The following TDP1 variants were observed in gnomAD, a reference collection of about 807,000 sequenced individuals.
The protein encoded by TDP1 is tyr-DNA phosphodiesterase 1.
A neutral mutation model predicts 81.5 loss-of-function variants in TDP1; 64 were observed. That is an observed-to-expected ratio of 0.79 (90% CI 0.64 to 0.97). The LOEUF (loss-of-function observed/expected upper bound fraction) is 0.97, where lower values mean the gene tolerates loss of function less well. Among genes scored for constraint, TDP1 ranks in the 50% least tolerant of loss-of-function variants. TDP1 has a pLI of 0.00. For missense variants in TDP1, 723 were observed against 743.8 expected (o/e 0.97, Z 0.33); for synonymous variants, 256 against 264.3 (o/e 0.97, Z 0.30).
rs578149592 is a variant in TDP1 at position 90,014,606 on chromosome 14, G to A, written c.1542-4710G>A. Among the ~76,000 whole-genome samples, 7 of 152,334 alleles carry A rather than the reference G, an allele frequency of 4.6e-5. No individual in the cohort carries two copies. The South Asian group carries it at 1.4e-3, about 32-fold the overall frequency. ...TAGAAGTGCAGTGGCCAAAGCCTCA[G>A]TCTGTACATTGTCTCATTGTCTCTG... On this transcript the variant is annotated intron_variant, in intron 14 of 16. Coordinates refer to ENST00000335725, the MANE Select transcript of TDP1 (RefSeq NM_018319.4).
intron 8 of TDP1, chr14:89,983,067 T>G (rs1202405423): frequency 2.2e-6 from 1 of 454,552 alleles, no homozygotes; most frequent in Non-Finnish European, 4.4e-6. Flanking sequence ...ATGCCTCATA[T>G]CTCAGCATCT....
In TDP1 at chr14:89,966,555, C is replaced by G. The variant is rs189418166; in HGVS notation, c.603+365C>G. Among the ~76,000 whole-genome samples, 39 of 152,244 alleles carry G rather than the reference C, an allele frequency of 2.6e-4. 1 individual carries two copies. The highest frequency in any genetic ancestry group is 1.1e-3 in the Admixed American group (17 of 15,298). Reference sequence around the variant, plus strand: ...TGAGGTATGGATAGAGTGGTGAAGGCCAAGTCAAGTTTGATTTAATTTAGA... The same window carrying G: ...TGAGGTATGGATAGAGTGGTGAAGGGCAAGTCAAGTTTGATTTAATTTAGA... On this transcript the variant is annotated intron_variant, in intron 4 of 16. Coordinates refer to ENST00000335725, the MANE Select transcript of TDP1 (RefSeq NM_018319.4).
chr14:89,984,548 C>T lies in TDP1; in HGVS notation c.917C>T (p.Ala306Val). The T allele has an allele frequency of 1.2e-6, 2 of 1,614,084 alleles. No individual in the cohort carries two copies. Among genetic ancestry groups the T allele is most frequent in the Non-Finnish European group, 1.7e-6 (2 of 1,180,016 alleles). Reference protein sequence around the residue: ...IWLSPLYPRIADGTHKSGESP... With the variant: ...IWLSPLYPRIVDGTHKSGESP... Reference sequence around the variant, plus strand: ...TTGAGCCCCTTATACCCACGAATTGCTGATGGAACCCACAAATCTGGAGAG... The same window carrying T: ...TTGAGCCCCTTATACCCACGAATTGTTGATGGAACCCACAAATCTGGAGAG... The change falls in exon 9 of 17, where the codon GCT becomes GTT. Residue 306 changes from alanine to valine, a missense_variant. Ala to Val is a moderately conservative substitution (Grantham distance 64). Transcript: ENST00000335725.
intron 15 of TDP1, among the ~76,000 whole-genome samples, chr14:90,027,564 C>T (rs985804102): frequency 1.4e-4 from 22 of 152,268 alleles, no homozygotes; most frequent in African/African-American, 5.1e-4. Flanking sequence ...GGATCTACTG[C>T]TCTTTGTCTC....
intron 5 of TDP1, 36 bp from the exon 6 acceptor site, chr14:89,971,139 A>G: frequency 6.4e-7 from 1 of 1,573,766 alleles, no homozygotes; most frequent in Non-Finnish European, 8.7e-7. Flanking sequence ...CCTGGCCATG[A>G]ATGATGTATA....
At chr14:90,027,330 G>T (rs1886784748) in intron 15 of TDP1, among the ~76,000 whole-genome samples, 1 of 151,780 alleles carries the variant, frequency 6.6e-6, no homozygotes, top group African/African-American at 2.4e-5. Flanking sequence ...CTACTGCTGG[G>T]TTTCTACCCA....
At chr14:90,032,820 C>G (rs1887433869) in intron 15 of TDP1, 3 of 984,974 alleles carry the variant, frequency 3.0e-6, no homozygotes, top group Non-Finnish European at 3.6e-6. Flanking sequence ...AATGGGCTAT[C>G]ATATCCAAAA....
At chr14:89,983,715 T>G (rs1895250554) in intron 8 of TDP1, among the ~76,000 whole-genome samples, 1 of 152,232 alleles carries the variant, frequency 6.6e-6, no homozygotes. Flanking sequence ...TTGAAGCCAT[T>G]TTAGTAATCT....
chr14:89,972,286 G>A (rs1164072082), intron 6 of TDP1, among the ~76,000 whole-genome samples: 1 of 77,480 alleles, frequency 1.3e-5, no homozygotes. Context: ...CGGAGCAAGA[G>A]GGAAGAGAGG....
chr14:90,026,224 C>G (rs746619792), intron 15 of TDP1, among the ~76,000 whole-genome samples: 3 of 152,260 alleles, frequency 2.0e-5, no homozygotes, highest in Non-Finnish European at 4.4e-5. Flanking sequence ...CACCTTAACC[C>G]TCTCTTTGTC....
At chr14:89,974,271 T>G (rs1566859464) in intron 6 of TDP1, among the ~76,000 whole-genome samples, 1 of 152,204 alleles carries the variant, frequency 6.6e-6, no homozygotes, top group Non-Finnish European at 1.5e-5. Context: ...ATTATCCTTG[T>G]TTTTTGTGCT....
chr14:89,993,258 C>A, intron 13 of TDP1, 118 bp from the exon 14 acceptor site: 1 of 1,265,852 alleles, frequency 7.9e-7, no homozygotes, highest in Non-Finnish European at 1.1e-6. Flanking sequence ...GTCACAGAGT[C>A]GTGTAGCCAC....
intron 10 of TDP1, among the ~76,000 whole-genome samples, chr14:89,987,683 A>C (rs1386569321): frequency 6.6e-6 from 1 of 152,060 alleles, no homozygotes; most frequent in Non-Finnish European, 1.5e-5. Flanking sequence ...TTGTAAATTT[A>C]CTGCTGTCCC....
At chr14:89,981,123 G>C (rs1894922915) in intron 8 of TDP1, among the ~76,000 whole-genome samples, 1 of 152,154 alleles carries the variant, frequency 6.6e-6, no homozygotes, top group Non-Finnish European at 1.5e-5. Flanking sequence ...GGAATCAAAG[G>C]AAAAGTTGGG....
In TDP1 at chr14:90,043,365, G is replaced by T; in HGVS notation, c.*222G>T. On this transcript the variant is annotated 3_prime_UTR_variant, in exon 17 of 17. Coordinates refer to ENST00000335725, the MANE Select transcript of TDP1 (RefSeq NM_018319.4). ...AATTCACTTTTATATGTTTTGGAAAGAAAATTAGTGAACTTCTCTATGTTA... is the reference window on the plus strand; with the variant it reads ...AATTCACTTTTATATGTTTTGGAAATAAAATTAGTGAACTTCTCTATGTTA... 1.6e-6 allele frequency: 1 copy of T among 606,976 alleles called. No individual in the cohort carries two copies. The highest frequency in any genetic ancestry group is 2.9e-6 in the Non-Finnish European group (1 of 346,576). The allele number at this position is 606,976 out of a possible 1,614,324, so 37.6% of individuals were successfully genotyped here.
chr14:89,985,511 T>C (rs1009708680), intron 10 of TDP1, among the ~76,000 whole-genome samples: 2 of 152,204 alleles, frequency 1.3e-5, no homozygotes, highest in Non-Finnish European at 2.9e-5. Context: ...TAGCTTTTGA[T>C]TGTTCAGCAT....
In TDP1 at chr14:90,043,095, T is replaced by C. The variant is rs1888526298; in HGVS notation, c.1779T>C (p.Pro593=). The C allele has an allele frequency of 6.2e-7, 1 of 1,614,068 alleles. No individual in the cohort carries two copies. The highest frequency in any genetic ancestry group is 8.5e-7 in the Non-Finnish European group (1 of 1,180,012). The change falls in exon 17 of 17, where the codon CCT becomes CCC. Residue 593 remains proline, a synonymous_variant. Transcript: ENST00000335725. The part of the protein sequence containing the change: ...SKDRPWIWNI[P]YVKAPDTHGN... Reference sequence around the variant, plus strand: ...ATCGGCCATGGATATGGAACATTCCTTATGTCAAAGCACCGGATACGCATG... The same window carrying C: ...ATCGGCCATGGATATGGAACATTCCCTATGTCAAAGCACCGGATACGCATG...
chr14:90,027,155 A>C (rs1243197464), intron 15 of TDP1, among the ~76,000 whole-genome samples: 2 of 152,074 alleles, frequency 1.3e-5, no homozygotes, highest in South Asian at 2.1e-4. Flanking sequence ...CGCCATTCTA[A>C]CTGGTGTGAG....
chr14:90,016,361 A>G (rs939428926), intron 14 of TDP1, among the ~76,000 whole-genome samples: 11 of 152,070 alleles, frequency 7.2e-5, no homozygotes, highest in African/African-American at 2.7e-4. Flanking sequence ...AGCCATTTTT[A>G]TAACTCATGC....
Sources: gnomAD v4.1 joint callset for allele counts (sites outside exome capture counted in the v4.1 genomes callset) on GRCh38, gnomAD v4.1.1 for gene constraint, MANE v1.5 for transcripts, NCBI Gene and HGNC (gene_info 2026-07-23, HGNC 2026-07-21) for gene names.